The following SLCO6A1 variants were observed in gnomAD, a reference collection of about 807,000 sequenced individuals.
SLCO6A1 encodes the protein cancer/testis antigen 48.
Under a neutral mutation model 72.7 loss-of-function variants are expected in SLCO6A1, and 65 were observed. That is an observed-to-expected ratio of 0.89 (90% CI 0.73 to 1.10). The LOEUF (loss-of-function observed/expected upper bound fraction) is 1.10, where lower values mean the gene tolerates loss of function less well. Among genes scored for constraint, SLCO6A1 ranks in the 50% least tolerant of loss-of-function variants. The pLI is 0.00. For synonymous variants in SLCO6A1, 314 were observed against 298.2 expected, an observed-to-expected ratio of 1.05 and a Z score of -0.55; for missense variants, 874 against 872.6, an observed-to-expected ratio of 1.00 and a Z score of -0.02.
At chr5:102,491,352 G>A (rs991416246) in intron 1 of SLCO6A1, among the ~76,000 whole-genome samples, 9 of 152,248 alleles carry the variant, frequency 5.9e-5, no homozygotes, top group East Asian at 1.9e-4. Context: ...TACCGGGGCC[G>A]CAGGTGGAGC....
chr5:102,392,874 T>C (rs1029464438), intron 10 of SLCO6A1, among the ~76,000 whole-genome samples: 10 of 152,122 alleles, frequency 6.6e-5, no homozygotes, highest in Non-Finnish European at 1.3e-4. Context: ...AAGACATCGG[T>C]TCTAAATATA....
At chr5:102,408,589 G>A (rs1282882101) in intron 9 of SLCO6A1, among the ~76,000 whole-genome samples, 3 of 152,144 alleles carry the variant, frequency 2.0e-5, no homozygotes, top group South Asian at 4.2e-4. Context: ...TGTTGGTGGT[G>A]GGGGGAATGA....
chr5:102,487,494 C>T (rs554090558), intron 1 of SLCO6A1, among the ~76,000 whole-genome samples: 10 of 152,254 alleles, frequency 6.6e-5, no homozygotes, highest in African/African-American at 2.4e-4. Flanking sequence ...CTACTATGCA[C>T]TCTGTGACTT....
intron 6 of SLCO6A1, among the ~76,000 whole-genome samples, chr5:102,454,088 C>G (rs890967496): frequency 1.3e-5 from 2 of 152,138 alleles, no homozygotes; most frequent in Non-Finnish European, 2.9e-5. Context: ...TACTGTTTCC[C>G]CTAACAACTA....
chr5:102,474,996 A>G (rs1118008), intron 4 of SLCO6A1, among the ~76,000 whole-genome samples: 95,899 of 151,842 alleles, frequency 0.63, 30,474 homozygotes, highest in Non-Finnish European at 0.64. Flanking sequence ...AAAATGGTGC[A>G]GTCGTTATAA....
intron 1 of SLCO6A1, 71 bp downstream of exon 1, chr5:102,498,416 C>T (rs1753006347): frequency 6.9e-7 from 1 of 1,456,426 alleles, no homozygotes; most frequent in Non-Finnish European, 9.3e-7. Context: ...CTCCGCCATA[C>T]TCCCTCTCCC....
chr5:102,424,411 C>G (rs546304641), intron 7 of SLCO6A1, among the ~76,000 whole-genome samples: 1 of 151,746 alleles, frequency 6.6e-6, no homozygotes, highest in African/African-American at 2.4e-5. Flanking sequence ...AAGAATCAAA[C>G]AGACACAATA....
At chr5:102,443,183 C>T (rs564327239) in intron 6 of SLCO6A1, among the ~76,000 whole-genome samples, 5 of 151,904 alleles carry the variant, frequency 3.3e-5, no homozygotes, top group Non-Finnish European at 7.4e-5. Context: ...GGAGACAGAG[C>T]GAGACTCCAT....
intron 7 of SLCO6A1, among the ~76,000 whole-genome samples, chr5:102,423,848 T>G (rs749048652): frequency 6.6e-6 from 1 of 152,138 alleles, no homozygotes; most frequent in Non-Finnish European, 1.5e-5. Flanking sequence ...CAGCATTTAT[T>G]CTAAAATTGA....
chr5:102,450,091 T>TA (rs1403548702), intron 6 of SLCO6A1, among the ~76,000 whole-genome samples: 1 of 152,226 alleles, frequency 6.6e-6, no homozygotes, highest in Non-Finnish European at 1.5e-5. Flanking sequence ...TCTGAATATC[T>TA]AAAATCTTCA....
chr5:102,446,595 T>G (rs1000905160), intron 6 of SLCO6A1, among the ~76,000 whole-genome samples: 2 of 152,176 alleles, frequency 1.3e-5, no homozygotes, highest in African/African-American at 4.8e-5. Flanking sequence ...CAATACTATG[T>G]TGAACAGGAG....
chr5:102,475,359 A>C (rs1751840785), intron 4 of SLCO6A1, among the ~76,000 whole-genome samples: 1 of 152,152 alleles, frequency 6.6e-6, no homozygotes. Flanking sequence ...AAAATACTGC[A>C]TGATTCCAGT....
At chr5:102,391,797 G>A (rs990465216) in intron 10 of SLCO6A1, among the ~76,000 whole-genome samples, 2 of 151,970 alleles carry the variant, frequency 1.3e-5, no homozygotes, top group Non-Finnish European at 1.5e-5. Flanking sequence ...TGTTTGACCT[G>A]TGACTACTAC....
intron 6 of SLCO6A1, among the ~76,000 whole-genome samples, chr5:102,445,976 A>G (rs1750088465): frequency 1.3e-5 from 2 of 152,222 alleles, no homozygotes; most frequent in Middle Eastern, 3.4e-3. Context: ...CTTGTAGTAC[A>G]TTTTGAAGTT....
chr5:102,383,864 T>C (rs867135346), intron 12 of SLCO6A1, among the ~76,000 whole-genome samples: 43 of 151,962 alleles, frequency 2.8e-4, no homozygotes, highest in Admixed American at 3.9e-4. Context: ...CAACTCTTAA[T>C]TCATTATTGG....
Position 102,491,209 on chromosome 5 carries a change from T to C in SLCO6A1, c.358+7278A>G, listed in dbSNP as rs558089191. Among the ~76,000 whole-genome samples, 6 of 152,258 alleles carry C rather than the reference T, an allele frequency of 3.9e-5. No homozygotes were observed. The East Asian group carries it at 1.2e-3, about 29-fold the overall frequency. ...CCCTGAGCTAGACCCAGGGTGCTGATTGGTATGTTTACAAATCTTGAGCTA... is the reference window on the plus strand; with the variant it reads ...CCCTGAGCTAGACCCAGGGTGCTGACTGGTATGTTTACAAATCTTGAGCTA... On this transcript the variant is annotated intron_variant, in intron 1 of 13. Transcript: ENST00000506729.
rs374666950 is a variant in SLCO6A1, at chr5:102,421,250, C to T, written c.1277-1229G>A. 4.3e-4 allele frequency among the ~76,000 whole-genome samples: 66 copies of T among 151,972 alleles called. No homozygotes were observed. The East Asian group carries it at 0.011, about 26-fold the overall frequency. ...TTTTTTTTTTCATACCCCAGTGGCA[C>T]CTGGAACCCCAGTGAGACAGAACTG... On this transcript the variant is annotated intron_variant, in intron 7 of 13. Transcript: ENST00000506729.
At chr5:102,496,562 C>T (rs1168909631) in intron 1 of SLCO6A1, among the ~76,000 whole-genome samples, 3 of 152,172 alleles carry the variant, frequency 2.0e-5, no homozygotes, top group Non-Finnish European at 4.4e-5. Flanking sequence ...CTAGATAATA[C>T]TTGCAAAGCA....
chr5:102,459,589 T>C (rs112413981), intron 5 of SLCO6A1, 67 bp downstream of exon 5: 6 of 1,450,718 alleles, frequency 4.1e-6, no homozygotes, highest in African/African-American at 1.5e-5. Context: ...AGTCATTCTA[T>C]GAGAATAAGA....
Sources: allele counts gnomAD v4.1 joint callset (sites outside exome capture counted in the v4.1 genomes callset), GRCh38; gene constraint gnomAD v4.1.1; transcripts MANE v1.5; gene names NCBI Gene and HGNC (gene_info 2026-07-23, HGNC 2026-07-21).